The following TGFA variants were observed in gnomAD, a reference collection of about 807,000 sequenced individuals.
TGFA encodes the protein protransforming growth factor alpha.
A neutral mutation model predicts 21.7 loss-of-function variants in TGFA; 12 were observed. The observed-to-expected ratio is 0.55, with a 90% confidence interval of 0.35 to 0.90. The LOEUF is 0.90. Ranked by LOEUF, TGFA falls within the 40% of genes least tolerant of loss-of-function variation. The pLI, the probability that TGFA is intolerant of heterozygous loss-of-function variation, is 0.01. For missense variants in TGFA, 178 were observed against 210.8 expected (o/e 0.84, Z 0.96); for synonymous variants, 79 against 88.1 (o/e 0.90, Z 0.58).
In TGFA at chr2:70,534,437, G is replaced by A. The variant is rs191800554; in HGVS notation, c.40+19291C>T. Among the ~76,000 whole-genome samples, 332 of 152,290 alleles carry A rather than the reference G, an allele frequency of 2.2e-3. 1 individual carries two copies. Among genetic ancestry groups the A allele is most frequent in the African/African-American group, 7.7e-3 (320 of 41,544 alleles). Reference sequence around the variant, plus strand: ...GGAGGAGGTGAAGCCAGTGCCCCAGGGGCTGTGGCTCAATGTGCCCCATGA... The same window carrying A: ...GGAGGAGGTGAAGCCAGTGCCCCAGAGGCTGTGGCTCAATGTGCCCCATGA... On this transcript the variant is annotated intron_variant, in intron 1 of 5. Coordinates refer to ENST00000295400, the MANE Select transcript of TGFA (RefSeq NM_003236.4).
chr2:70,541,585 G>A (rs782299265), intron 1 of TGFA, among the ~76,000 whole-genome samples: 1 of 152,180 alleles, frequency 6.6e-6, no homozygotes, highest in Admixed American at 6.5e-5. Flanking sequence ...GGAGTGTGTC[G>A]TGAAGAGCTC....
chr2:70,538,569 G>A (rs1477492082), intron 1 of TGFA, among the ~76,000 whole-genome samples: 1 of 152,220 alleles, frequency 6.6e-6, no homozygotes, highest in Non-Finnish European at 1.5e-5. Context: ...AGACTTCAAT[G>A]GAGGAAGCAA....
At chr2:70,471,583 C>T (rs1553493279) in intron 2 of TGFA, among the ~76,000 whole-genome samples, 1 of 152,172 alleles carries the variant, frequency 6.6e-6, no homozygotes, top group East Asian at 1.9e-4. Flanking sequence ...GCAAAGAACA[C>T]CCCAAATACC....
intron 5 of TGFA, 31 bp from the exon 6 acceptor site, chr2:70,450,897 G>T: frequency 6.2e-7 from 1 of 1,602,706 alleles, no homozygotes; most frequent in Non-Finnish European, 8.5e-7. Flanking sequence ...GTTAAGCACT[G>T]TGGGCCACAC....
At chr2:70,514,287 G>A (rs1672195401) in intron 2 of TGFA, among the ~76,000 whole-genome samples, 1 of 152,064 alleles carries the variant, frequency 6.6e-6, no homozygotes, top group East Asian at 1.9e-4. Context: ...TGGAGAAAGG[G>A]CAAAAGCAAC....
chr2:70,545,572 A>T (rs1251587033), intron 1 of TGFA, among the ~76,000 whole-genome samples: 2 of 152,250 alleles, frequency 1.3e-5, no homozygotes, highest in African/African-American at 4.8e-5. Flanking sequence ...AATGAAAATG[A>T]GTTACATCTC....
At chr2:70,476,091 A>AAAAAT (rs1553494283) in intron 2 of TGFA, among the ~76,000 whole-genome samples, 2 of 149,976 alleles carry the variant, frequency 1.3e-5, no homozygotes, top group Non-Finnish European at 1.5e-5. Flanking sequence ...AAAAAAAAAA[A>AAAAAT]AAAAAAAAAA....
intron 1 of TGFA, among the ~76,000 whole-genome samples, chr2:70,539,959 T>A (rs782451210): frequency 1.1e-4 from 16 of 152,142 alleles, no homozygotes; most frequent in Non-Finnish European, 2.2e-4. Flanking sequence ...AAATAGACAG[T>A]CTCAGTTCAC....
At chr2:70,501,609 T>C (rs2103814374) in intron 2 of TGFA, among the ~76,000 whole-genome samples, 1 of 152,320 alleles carries the variant, frequency 6.6e-6, no homozygotes, top group Admixed American at 6.5e-5. Flanking sequence ...TTTTCTTTTT[T>C]TGAGCAGGTA....
chr2:70,544,139 A>G (rs1221197701), intron 1 of TGFA, among the ~76,000 whole-genome samples: 1 of 152,050 alleles, frequency 6.6e-6, no homozygotes, highest in Non-Finnish European at 1.5e-5. Flanking sequence ...ATATATGTGT[A>G]TATATAATAT....
intron 1 of TGFA, among the ~76,000 whole-genome samples, chr2:70,529,002 T>A (rs1672726926): frequency 6.6e-6 from 1 of 152,176 alleles, no homozygotes; most frequent in African/African-American, 2.4e-5. Flanking sequence ...CCACCTCTGG[T>A]GAAAATGTGT....
rs186246128 is a variant in TGFA, at chr2:70,487,681, T to C, written c.95-21945A>G. Among the ~76,000 whole-genome samples the C allele has an allele frequency of 3.2e-3, 489 of 152,344 alleles. 5 individuals carry two copies. The highest frequency in any genetic ancestry group is 0.011 in the African/African-American group (468 of 41,576). On this transcript the variant is annotated intron_variant, in intron 2 of 5. Transcript: ENST00000295400. Reference sequence around the variant, plus strand: ...ATGCTTAGTCTGGACATGGTAATCTTTGATGGCTGAAGTTTTCATCTAATA... The same window carrying C: ...ATGCTTAGTCTGGACATGGTAATCTCTGATGGCTGAAGTTTTCATCTAATA...
intron 2 of TGFA, among the ~76,000 whole-genome samples, chr2:70,510,297 T>C (rs1553500767): frequency 6.6e-6 from 1 of 152,190 alleles, no homozygotes; most frequent in Non-Finnish European, 1.5e-5. Flanking sequence ...GAAAATCAAA[T>C]ACGTGTCAGT....
At chr2:70,450,971 A>G (rs1329003435) in intron 5 of TGFA, 105 bp from the exon 6 acceptor site, 1 of 1,413,862 alleles carries the variant, frequency 7.1e-7, no homozygotes, top group African/African-American at 1.4e-5. Context: ...CAATGTCACC[A>G]AGTTCTCTCG....
At position 70,450,376 on chromosome 2, in the gene TGFA, C is replaced by T. The variant is rs1260536808; in HGVS notation, c.*483G>A. 1 of 155,140 alleles carries T rather than the reference C, an allele frequency of 6.4e-6. No homozygotes were observed. Among genetic ancestry groups the T allele is most frequent in the Non-Finnish European group, 1.4e-5 (1 of 69,888 alleles). The allele number at this position is 155,140 out of a possible 1,614,324, so 9.6% of individuals were successfully genotyped here. ...CAGCTTCTCTTAAAGCTAGGGTCTT[C>T]ATGTGATATTAAACAGTTTCCCCTC... On this transcript the variant is annotated 3_prime_UTR_variant, in exon 6 of 6. Coordinates refer to ENST00000295400, the MANE Select transcript of TGFA (RefSeq NM_003236.4).
intron 2 of TGFA, among the ~76,000 whole-genome samples, chr2:70,505,544 G>C (rs1553500021): frequency 2.0e-5 from 3 of 152,092 alleles, no homozygotes; most frequent in African/African-American, 7.2e-5. Context: ...TCACTTTCAA[G>C]ATCTTAAAGA....
chr2:70,524,837 A>G (rs1672586422), intron 1 of TGFA, among the ~76,000 whole-genome samples: 1 of 152,230 alleles, frequency 6.6e-6, no homozygotes, highest in African/African-American at 2.4e-5. Context: ...GACAAGAAGT[A>G]CAGGAACCAA....
rs539343234 is a variant in TGFA, at chr2:70,538,944, C to T, written c.40+14784G>A. Among the ~76,000 whole-genome samples, 4 of 152,280 alleles carry T rather than the reference C, an allele frequency of 2.6e-5. No homozygotes were observed. The East Asian group carries it at 5.8e-4, about 22-fold the overall frequency. On this transcript the variant is annotated intron_variant, in intron 1 of 5. Transcript: ENST00000295400. Reference sequence around the variant, plus strand: ...AATCAATTAGCATGGCAAATTTCATCGTTGTCTTATTTTAAGAAATTGCTC... The same window carrying T: ...AATCAATTAGCATGGCAAATTTCATTGTTGTCTTATTTTAAGAAATTGCTC...
intron 2 of TGFA, among the ~76,000 whole-genome samples, chr2:70,479,627 G>A (rs1671050465): frequency 6.6e-6 from 1 of 151,560 alleles, no homozygotes; most frequent in Non-Finnish European, 1.5e-5. Context: ...TTGGATCACC[G>A]GGTCCTTTTT....
Sources: allele counts gnomAD v4.1 joint callset (sites outside exome capture counted in the v4.1 genomes callset), GRCh38; gene constraint gnomAD v4.1.1; transcripts MANE v1.5; gene names NCBI Gene and HGNC (gene_info 2026-07-23, HGNC 2026-07-21).